The following PARP1 variants were observed in gnomAD, a reference collection of about 807,000 sequenced individuals.
PARP1 encodes poly [ADP-ribose] polymerase 1.
A neutral mutation model predicts 118.7 loss-of-function variants in PARP1; 44 were observed. The observed-to-expected ratio is 0.37, with a 90% CI of 0.29 to 0.48. The LOEUF (loss-of-function observed/expected upper bound fraction) is 0.48. Ranked by LOEUF, PARP1 falls within the 20% of genes least tolerant of loss-of-function variation. The probability of loss-of-function intolerance (pLI) is 0.99; values close to 1 mark genes in which losing one functional copy is unlikely to be tolerated. For missense variants in PARP1, 1,100 were observed against 1,272.4 expected (o/e 0.86, Z 2.06); for synonymous variants, 492 against 483.2 (o/e 1.02, Z -0.24).
chr1:226,371,057 CA>C (rs1370103419), intron 14 of PARP1: 4 of 159,818 alleles, frequency 2.5e-5, no homozygotes, highest in African/African-American at 9.6e-5. Context: ...TCACCTCCAA[CA>C]AATATTGCTA....
chr1:226,393,114 C>T (rs1244550168), intron 2 of PARP1: 10 of 882,824 alleles, frequency 1.1e-5, no homozygotes, highest in African/African-American at 1.8e-5. Context: ...ATTTTAAAAC[C>T]TACTAAATTA....
In PARP1 at chr1:226,381,104, T is replaced by C. The variant is rs1434856963; in HGVS notation, c.1264A>G (p.Thr422Ala). ...IEKLGGKLTG[T>A]ANKASLCIST... is the part of the protein sequence containing the mutation. The stretch of plus-strand genomic sequence containing the variant: ...ATGCACAGGGAAGCCTTGTTGGCCG[T>C]CCCCGTCAACTTCCCCCCGAGTTTC... Residue 422 changes from threonine (T) to alanine (A), a missense_variant, in exon 9 of 23, where the codon ACG becomes GCG. Physicochemically the swap from Thr to Ala is moderately conservative, Grantham distance 58. Around this residue, in one of 2 missense-constraint regions of PARP1, gnomAD observed 948 missense variants for 1,031.8 expected, o/e 0.92. Coordinates refer to ENST00000366794, the MANE Select transcript of PARP1 (RefSeq NM_001618.4). 1 of 1,614,018 alleles carries C rather than the reference T, an allele frequency of 6.2e-7. No homozygotes were observed. The highest frequency in any genetic ancestry group is 1.7e-5 in the Admixed American group (1 of 60,006).
At chr1:226,397,696 C>T (rs1039539045) in intron 2 of PARP1, among the ~76,000 whole-genome samples, 8 of 152,144 alleles carry the variant, frequency 5.3e-5, no homozygotes, top group Non-Finnish European at 1.0e-4. Flanking sequence ...TGTCAACTGC[C>T]GGCTTCTCCT....
chr1:226,370,605 C>G (rs1352467588), intron 14 of PARP1, 88 bp from the exon 15 acceptor site: 4 of 1,035,702 alleles, frequency 3.9e-6, no homozygotes, highest in Non-Finnish European at 4.6e-6. Flanking sequence ...ACCCTCAGGC[C>G]CCCAACAGGA....
intron 1 of PARP1, among the ~76,000 whole-genome samples, chr1:226,405,856 C>T (rs1665136848): frequency 6.6e-6 from 1 of 152,074 alleles, no homozygotes; most frequent in Non-Finnish European, 1.5e-5. Context: ...TGGCTCATGC[C>T]TGTAACCCTA....
At chr1:226,373,983 C>T (rs886103077) in intron 14 of PARP1, among the ~76,000 whole-genome samples, 4 of 152,042 alleles carry the variant, frequency 2.6e-5, no homozygotes, top group African/African-American at 9.7e-5. Flanking sequence ...GGACTAGGGA[C>T]CAGGAACAAC....
intron 16 of PARP1, 145 bp downstream of exon 16, chr1:226,368,054 A>G (rs1664305898): frequency 7.1e-6 from 8 of 1,127,694 alleles, no homozygotes; most frequent in Admixed American, 1.7e-5. Context: ...CAATGTGGGT[A>G]GAAACCCAAC....
At chr1:226,407,725 TG>T in intron 1 of PARP1, 84 bp downstream of exon 1, 2 of 978,398 alleles carry the variant, frequency 2.0e-6, no homozygotes, top group Non-Finnish European at 1.4e-6. Context: ...GCTCGCTCCC[TG>T]GGCCCGCCCT....
rs1451905994 is a variant in PARP1 at position 226,360,782 on chromosome 1, GC to G, written c.*677del. 1 of 228,476 alleles carries G rather than the reference GC, an allele frequency of 4.4e-6. No homozygotes were observed. Among genetic ancestry groups the G allele is most frequent in the African/African-American group, 2.2e-5 (1 of 45,040 alleles). The allele number at this position is 228,476 out of a possible 1,614,324, so 14.2% of individuals were successfully genotyped here. On this transcript the variant is annotated 3_prime_UTR_variant, in exon 23 of 23. Transcript: ENST00000366794. Reference sequence around the variant, plus strand: ...GAGTTTTAATTTGGAAGACAAAAGTGCCCATAAGAAAGTCAAGAATTTCAAA... The same window carrying G: ...GAGTTTTAATTTGGAAGACAAAAGTGCCATAAGAAAGTCAAGAATTTCAAA...
rs933903405 is a variant in PARP1 at position 226,377,148 on chromosome 1, T to C, written c.1901A>G (p.Tyr634Cys). ...NAWHSKNFTK[Y>C]PKKFYPLEID... is the part of the protein sequence containing the mutation. ...CTCCAGGGGGTAGAACTTTTTGGGA[T>C]ACTTCGTGAAATTTTTGGAGTGCCA... The change falls in exon 13 of 23, where the codon TAT (tyrosine) becomes TGT (cysteine). Residue 634 changes from tyrosine to cysteine, a missense_variant. By Grantham distance (194) the Tyr-to-Cys change is radical. This residue lies in a region of PARP1 where 948 missense variants were observed against 1,031.8 expected (regional missense o/e 0.92). Coordinates refer to ENST00000366794, the MANE Select transcript of PARP1 (RefSeq NM_001618.4). The C allele has an allele frequency of 6.2e-7, 1 of 1,614,040 alleles. No individual in the cohort carries two copies.
chr1:226,379,518 A>G, intron 11 of PARP1, 55 bp downstream of exon 11: 2 of 1,418,040 alleles, frequency 1.4e-6, no homozygotes, highest in Non-Finnish European at 2.0e-6. Flanking sequence ...GCTCCTAGTC[A>G]GCTGGGGGTT....
At chr1:226,364,105 C>G (rs1468959446) in intron 19 of PARP1, 35 bp from the exon 20 acceptor site, 1 of 1,611,776 alleles carries the variant, frequency 6.2e-7, no homozygotes, top group Non-Finnish European at 8.5e-7. Context: ...TGAGAATCTT[C>G]TGATGGGAAA....
At chr1:226,403,928 G>A (rs747931419) in intron 1 of PARP1, among the ~76,000 whole-genome samples, 3 of 152,204 alleles carry the variant, frequency 2.0e-5, no homozygotes, top group African/African-American at 7.2e-5. Context: ...CAATGATAAG[G>A]TACCCCACTA....
Position 226,365,961 on chromosome 1 carries a change from A to G in PARP1, c.2498T>C (p.Val833Ala). ...ATTHNAYDLE[V>A]IDIFKIEREG... Reference sequence around the variant, plus strand: ...GGAAGAAGGGATTCTTACATCGATGACTTCCAAGTCATACGCATTGTGTGT... The same window carrying G: ...GGAAGAAGGGATTCTTACATCGATGGCTTCCAAGTCATACGCATTGTGTGT... Residue 833 changes from valine (V) to alanine (A), a missense_variant, in exon 18 of 23, where the codon GTC becomes GCC. By Grantham distance (64) the Val-to-Ala change is moderately conservative (BLOSUM62 0). This residue lies in a region of PARP1 where 152 missense variants were observed against 240.6 expected (regional missense o/e 0.63). Coordinates refer to ENST00000366794, the MANE Select transcript of PARP1 (RefSeq NM_001618.4). 6.2e-7 allele frequency: 1 copy of G among 1,603,088 alleles called. No individual in the cohort carries two copies. Among genetic ancestry groups the G allele is most frequent in the Non-Finnish European group, 8.5e-7 (1 of 1,169,930 alleles).
intron 12 of PARP1, 114 bp downstream of exon 12, chr1:226,379,028 T>C: frequency 7.7e-7 from 1 of 1,306,526 alleles, no homozygotes; most frequent in Admixed American, 1.7e-5. Flanking sequence ...TGTGATTAGA[T>C]TTCATTCCCC....
At chr1:226,399,157 T>C (rs1664979924) in intron 2 of PARP1, among the ~76,000 whole-genome samples, 1 of 142,358 alleles carries the variant, frequency 7.0e-6, no homozygotes, top group Non-Finnish European at 1.5e-5. Flanking sequence ...CACTGCAACC[T>C]CCGCCTCCCA....
At chr1:226,375,629 T>A (rs1459667786) in intron 13 of PARP1, among the ~76,000 whole-genome samples, 1 of 152,206 alleles carries the variant, frequency 6.6e-6, no homozygotes, top group East Asian at 1.9e-4. Context: ...AGGGAAATTT[T>A]CTCATTAATA....
chr1:226,370,388 C>A (rs749840065), intron 15 of PARP1, 46 bp downstream of exon 15: 1 of 1,415,690 alleles, frequency 7.1e-7, no homozygotes, highest in East Asian at 2.3e-5. Flanking sequence ...CCCCCTAAGT[C>A]GGCCAGAGGA....
chr1:226,373,246 C>T (rs1182509146), intron 14 of PARP1, among the ~76,000 whole-genome samples: 2 of 152,166 alleles, frequency 1.3e-5, no homozygotes, highest in East Asian at 1.9e-4. Context: ...AGGGAGCAAC[C>T]CCATGGAGAA....
Sources: allele counts gnomAD v4.1 joint callset (sites outside exome capture counted in the v4.1 genomes callset), GRCh38; gene constraint gnomAD v4.1.1; regional missense constraint gnomAD v4.1.1; transcripts MANE v1.5; gene names NCBI Gene and HGNC (gene_info 2026-07-23, HGNC 2026-07-21).